LRP6: variants seen among roughly 807,000 people sequenced by gnomAD.
LRP6 encodes the protein low-density lipoprotein receptor-related protein 6.
LRP6 carries 43 observed loss-of-function variants against 184.1 expected under a neutral mutation model. That is an observed-to-expected ratio of 0.23 (90% confidence interval 0.18 to 0.30). LRP6 has a LOEUF of 0.30. Among genes scored for constraint, LRP6 ranks in the 10% least tolerant of loss-of-function variants. The probability of loss-of-function intolerance (pLI) is 1.00; values close to 1 mark genes in which losing one functional copy is unlikely to be tolerated. For synonymous variants in LRP6, 719 were observed against 684.9 expected (o/e 1.05, Z -0.78); for missense variants, 1,571 against 2,005.3 (o/e 0.78, Z 4.14).
At chr12:12,155,850 G>A in intron 12 of LRP6, 1 of 647,984 alleles carries the variant, frequency 1.5e-6, no homozygotes, top group South Asian at 1.7e-5. Flanking sequence ...AGGTCACAAA[G>A]CTGTTGGGTA....
intron 1 of LRP6, among the ~76,000 whole-genome samples, chr12:12,260,270 C>T (rs564899805): frequency 5.3e-5 from 8 of 151,388 alleles, no homozygotes; most frequent in Non-Finnish European, 1.2e-4. Flanking sequence ...CCCAGCTACT[C>T]GGGAGGCTGA....
intron 2 of LRP6, among the ~76,000 whole-genome samples, chr12:12,233,526 C>A (rs994729405): frequency 1.3e-5 from 2 of 152,108 alleles, no homozygotes; most frequent in Admixed American, 1.3e-4. Context: ...TATAGGACAG[C>A]TGACCCAGTC....
intron 2 of LRP6, among the ~76,000 whole-genome samples, chr12:12,231,740 C>A (rs906965810): frequency 1.3e-5 from 2 of 151,480 alleles, no homozygotes; most frequent in African/African-American, 2.4e-5. Flanking sequence ...TGCTGAGCAG[C>A]GCAGTGGCTC....
chr12:12,203,333 G>A lies in LRP6; in HGVS notation c.517C>T (p.Arg173Cys). ...ATTTCACTGTTTATTATAATGAAGC[G>A]ACTTGAACCATCCATTCCAGCACGT... ...IERAGMDGSSRFIIINSEIYW... is the reference protein window; with the variant it reads ...IERAGMDGSSCFIIINSEIYW... Residue 173 changes from arginine (R) to cysteine (C), a missense_variant, in exon 3 of 23, where the codon CGC (arginine) becomes TGC (cysteine). Transcript: ENST00000261349. 1 of 1,613,932 alleles carries A rather than the reference G, an allele frequency of 6.2e-7. No individual in the cohort carries two copies. The highest frequency in any genetic ancestry group is 8.5e-7 in the Non-Finnish European group (1 of 1,179,872).
chr12:12,186,658 C>CATT, intron 4 of LRP6: 1 of 288,992 alleles, frequency 3.5e-6, no homozygotes, highest in Non-Finnish European at 6.3e-6. Context: ...GGGATTTTAA[C>CATT]TTTTTTTTTT....
chr12:12,139,107 C>G (rs1002630146), intron 15 of LRP6: 6 of 833,484 alleles, frequency 7.2e-6, no homozygotes, highest in Non-Finnish European at 9.6e-6. Context: ...ATACCCCCCA[C>G]CCTGCTTTAT....
At chr12:12,232,686 T>C (rs1004511897) in intron 2 of LRP6, among the ~76,000 whole-genome samples, 7 of 149,078 alleles carry the variant, frequency 4.7e-5, no homozygotes, top group Non-Finnish European at 1.0e-4. Context: ...ACATAAAAGA[T>C]GGAATAAAAT....
chr12:12,170,692 C>T (rs1028397701), intron 7 of LRP6, among the ~76,000 whole-genome samples: 6 of 151,344 alleles, frequency 4.0e-5, no homozygotes, highest in Non-Finnish European at 7.4e-5. Context: ...TACCTCAGAT[C>T]GATCAGGCTC....
At chr12:12,229,982 AAATC>A (rs1486345429) in intron 2 of LRP6, among the ~76,000 whole-genome samples, 5 of 152,210 alleles carry the variant, frequency 3.3e-5, no homozygotes, top group Non-Finnish European at 7.4e-5. Context: ...ATTCATCCAA[AAATC>A]ATGAAAACCA....
At chr12:12,229,267 G>A (rs565988904) in intron 2 of LRP6, among the ~76,000 whole-genome samples, 2 of 152,036 alleles carry the variant, frequency 1.3e-5, no homozygotes, top group East Asian at 3.9e-4. Context: ...CTACTTGGGA[G>A]GCTGAGGCAG....
At chr12:12,166,867 G>A (rs1862891210) in intron 7 of LRP6, among the ~76,000 whole-genome samples, 1 of 152,180 alleles carries the variant, frequency 6.6e-6, no homozygotes, top group African/African-American at 2.4e-5. Flanking sequence ...GAAGGCCAAG[G>A]CAGGAGGAGC....
At chr12:12,251,768 G>A (rs1865331142) in intron 1 of LRP6, among the ~76,000 whole-genome samples, 1 of 152,120 alleles carries the variant, frequency 6.6e-6, no homozygotes. Context: ...AATTTCCTGT[G>A]CTTAATGCTG....
intron 3 of LRP6, among the ~76,000 whole-genome samples, chr12:12,190,102 C>A (rs73291592): frequency 0.047 from 7,151 of 152,206 alleles, 546 homozygotes; most frequent in African/African-American, 0.16. Context: ...CAGAGCTGAA[C>A]AAAAGGCAGA....
intron 15 of LRP6, chr12:12,138,735 G>A (rs1949883993): frequency 1.4e-6 from 2 of 1,446,960 alleles, no homozygotes; most frequent in Non-Finnish European, 1.9e-6. Context: ...GCAATCAAGA[G>A]CAAGTAAGTG....
intron 2 of LRP6, among the ~76,000 whole-genome samples, chr12:12,237,723 C>T (rs56084505): frequency 0.12 from 18,320 of 152,144 alleles, 1,421 homozygotes; most frequent in Non-Finnish European, 0.17. Flanking sequence ...AACTGAGGAA[C>T]GTTCTACAAA....
At chr12:12,206,243 G>T (rs755203887) in intron 2 of LRP6, among the ~76,000 whole-genome samples, 2 of 152,120 alleles carry the variant, frequency 1.3e-5, no homozygotes. Context: ...ACCAGACCAT[G>T]TTACAATTTT....
At chr12:12,239,569 G>T (rs866072356) in intron 2 of LRP6, among the ~76,000 whole-genome samples, 1 of 151,904 alleles carries the variant, frequency 6.6e-6, no homozygotes. Flanking sequence ...AAGATTCATT[G>T]TAATTTCTGA....
At chr12:12,122,273 G>C (rs192948797) in intron 22 of LRP6, among the ~76,000 whole-genome samples, 1 of 152,282 alleles carries the variant, frequency 6.6e-6, no homozygotes, top group Admixed American at 6.5e-5. Flanking sequence ...TGGCTTTTCT[G>C]TCATTCCTAC....
At position 12,254,164 on chromosome 12, in the gene LRP6, AAG is replaced by A. The variant is rs1865404788; in HGVS notation, c.56-9511_56-9510del. 8.2e-5 allele frequency among the ~76,000 whole-genome samples: 12 copies of A among 146,486 alleles called. No individual in the cohort carries two copies. The South Asian group carries it at 1.6e-3, about 19-fold the overall frequency. The stretch of plus-strand genomic sequence containing the variant: ...GTCTCAAAAAAAAAAAAAAAAAAAA[AAG>A]AAAGAAAGAAAAAGGAAAACTACTA... On this transcript the variant is annotated intron_variant, in intron 1 of 22. Coordinates refer to ENST00000261349, the MANE Select transcript of LRP6 (RefSeq NM_002336.3).
Sources: allele counts gnomAD v4.1 joint callset (sites outside exome capture counted in the v4.1 genomes callset), GRCh38; gene constraint gnomAD v4.1.1; transcripts MANE v1.5; gene names NCBI Gene and HGNC (gene_info 2026-07-23, HGNC 2026-07-21).